The following CDH8 variants were observed in gnomAD, a reference collection of about 807,000 sequenced individuals.
CDH8 encodes cadherin-8.
CDH8 carries 17 observed loss-of-function variants against 68.1 expected under a neutral mutation model. That is an observed-to-expected ratio of 0.25 (90% confidence interval 0.17 to 0.37). CDH8 has a LOEUF of 0.37. Ranked by LOEUF, CDH8 falls within the 10% of genes least tolerant of loss-of-function variation. CDH8 has a pLI of 1.00. For synonymous variants in CDH8, 372 were observed against 365.1 expected (o/e 1.02, Z -0.21); for missense variants, 763 against 999.3 (o/e 0.76, Z 3.19).
At chr16:62,011,356 G>C (rs1242020720) in intron 2 of CDH8, among the ~76,000 whole-genome samples, 1 of 152,204 alleles carries the variant, frequency 6.6e-6, no homozygotes, top group African/African-American at 2.4e-5. Context: ...CACGCAGGCA[G>C]TTGCTTTTCA....
chr16:61,984,811 T>C lies in CDH8; in HGVS notation c.252+36341A>G, dbSNP rs78421017. ...CATATGCCTTCTAAAACTTATACTT[T>C]TTATACTTAAGGCATGAACTTGATT... is the stretch of plus-strand genomic sequence containing the variant. On this transcript the variant is annotated intron_variant, in intron 2 of 11. Transcript: ENST00000577390. Among the ~76,000 whole-genome samples, 1,018 of 152,308 alleles carry C rather than the reference T, an allele frequency of 6.7e-3. 8 individuals carry two copies. The highest frequency in any genetic ancestry group is 0.022 in the African/African-American group (933 of 41,570).
intron 10 of CDH8, among the ~76,000 whole-genome samples, chr16:61,663,955 G>A (rs1432895910): frequency 6.6e-6 from 1 of 152,010 alleles, no homozygotes; most frequent in Non-Finnish European, 1.5e-5. Flanking sequence ...TTACACATTA[G>A]AGATTTGAGT....
chr16:62,002,694 AG>A (rs1482551887), intron 2 of CDH8, among the ~76,000 whole-genome samples: 15 of 152,318 alleles, frequency 9.8e-5, no homozygotes, highest in African/African-American at 3.6e-4. Context: ...AGTCAATAAA[AG>A]TCTTAGGTGA....
intron 8 of CDH8, among the ~76,000 whole-genome samples, chr16:61,782,539 C>A (rs1354375391): frequency 6.3e-4 from 95 of 151,654 alleles, no homozygotes; most frequent in East Asian, 1.4e-3. Context: ...CCCAGGCTTG[C>A]TTAGGTAAAC....
intron 8 of CDH8, among the ~76,000 whole-genome samples, chr16:61,742,968 C>T (rs1405251771): frequency 6.6e-6 from 1 of 152,028 alleles, no homozygotes; most frequent in Non-Finnish European, 1.5e-5. Context: ...TCTATTTTTT[C>T]TTATTTATGC....
chr16:61,930,375 T>C (rs1417664587), intron 2 of CDH8, among the ~76,000 whole-genome samples: 2 of 152,074 alleles, frequency 1.3e-5, no homozygotes, highest in African/African-American at 4.8e-5. Flanking sequence ...ATATAATCTT[T>C]AGATGCAAAT....
At position 61,748,603 on chromosome 16, in the gene CDH8, G is replaced by T. The variant is rs1169702993; in HGVS notation, c.1415-21388C>A. Among the ~76,000 whole-genome samples the T allele has an allele frequency of 2.6e-5, 4 of 151,964 alleles. No homozygotes were observed. In the East Asian group the frequency reaches 7.7e-4, roughly 29 times the overall value. On this transcript the variant is annotated intron_variant, in intron 8 of 11. Transcript: ENST00000577390. ...TAAAGAAAAAAAAAGGGAAATGTTGGAAGGGGTTAGTCCTTCTAAATGTCG... is the reference window on the plus strand; with the variant it reads ...TAAAGAAAAAAAAAGGGAAATGTTGTAAGGGGTTAGTCCTTCTAAATGTCG...
At chr16:61,902,633 G>A (rs1455644617) in intron 2 of CDH8, among the ~76,000 whole-genome samples, 2 of 147,604 alleles carry the variant, frequency 1.4e-5, no homozygotes, top group Non-Finnish European at 3.0e-5. Flanking sequence ...TTCAAAAGAT[G>A]CTGTGTTCTC....
chr16:61,920,208 C>G (rs1339027452), intron 2 of CDH8, among the ~76,000 whole-genome samples: 2 of 139,554 alleles, frequency 1.4e-5, no homozygotes, highest in South Asian at 2.5e-4. Flanking sequence ...GACTTCATGT[C>G]TAAAACACCA....
In CDH8 at chr16:61,648,038, A is replaced by G; in HGVS notation, c.*5570T>C. 4 of 564,574 alleles carry G rather than the reference A, an allele frequency of 7.1e-6. No individual in the cohort carries two copies. The highest frequency in any genetic ancestry group is 6.6e-5 in the South Asian group (3 of 45,748). The allele number at this position is 564,574 out of a possible 1,614,324, so 35.0% of individuals were successfully genotyped here. A position where few individuals can be genotyped will look rare whatever the true frequency, so the allele number is the denominator to read the frequency against. On this transcript the variant is annotated 3_prime_UTR_variant, in exon 12 of 12. Transcript: ENST00000577390. ...GCACTATTTTCACCAGCAAATGCCT[A>G]CTAACCTTGAGACCTAGATGAAACT...
chr16:61,892,123 T>C (rs761815008), intron 3 of CDH8, among the ~76,000 whole-genome samples: 2 of 152,166 alleles, frequency 1.3e-5, no homozygotes, highest in Non-Finnish European at 2.9e-5. Context: ...GGATAAAATA[T>C]GTACTGGGCA....
chr16:61,750,180 G>A (rs764677260), intron 8 of CDH8, among the ~76,000 whole-genome samples: 7 of 152,006 alleles, frequency 4.6e-5, no homozygotes, highest in Non-Finnish European at 8.8e-5. Flanking sequence ...TTCTGTTCCT[G>A]TGTTCATTTG....
rs139294380 is a variant in CDH8 at position 61,873,991 on chromosome 16, G to A, written c.548-16753C>T. Among the ~76,000 whole-genome samples the A allele has an allele frequency of 9.1e-3, 1,392 of 152,134 alleles. 19 individuals are homozygous for A. The highest frequency in any genetic ancestry group is 0.03 in the African/African-American group (1,264 of 41,520). ...GTATTGCTTGAACCTGGGAGGCGGAGGTCGTAGTGAGCCAAGATCACACCA... is the reference window on the plus strand; with the variant it reads ...GTATTGCTTGAACCTGGGAGGCGGAAGTCGTAGTGAGCCAAGATCACACCA... On this transcript the variant is annotated intron_variant, in intron 3 of 11. Transcript: ENST00000577390.
At chr16:61,731,018 T>A (rs1959519225) in intron 8 of CDH8, among the ~76,000 whole-genome samples, 1 of 151,610 alleles carries the variant, frequency 6.6e-6, no homozygotes, top group Admixed American at 6.6e-5. Flanking sequence ...ACAAAAAGAT[T>A]GAGGTCACTG....
At chr16:61,892,664 T>C (rs1194048614) in intron 3 of CDH8, among the ~76,000 whole-genome samples, 1 of 152,096 alleles carries the variant, frequency 6.6e-6, no homozygotes, top group Non-Finnish European at 1.5e-5. Context: ...TCTTAACTTC[T>C]GCCTTCTGCC....
chr16:61,807,481 A>G (rs1237113108), intron 7 of CDH8, among the ~76,000 whole-genome samples: 1 of 151,756 alleles, frequency 6.6e-6, no homozygotes, highest in Admixed American at 6.6e-5. Context: ...TATAATAAAA[A>G]AAACAAAAAA....
intron 7 of CDH8, among the ~76,000 whole-genome samples, chr16:61,799,055 CCCTCATGATGACCTTGAT>C (rs1315065754): frequency 6.6e-6 from 1 of 152,090 alleles, no homozygotes; most frequent in Non-Finnish European, 1.5e-5. Flanking sequence ...TACACCAAAG[CCCTCATGATGACCTTGAT>C]CCTCACTGCT....
Position 61,647,838 on chromosome 16 carries a change from C to G in CDH8, c.*5770G>C. ...GAAGCCATGGTTTTCCACAGTCTTT[C>G]TCTTCAGACAGCATCTTGTGATATT... is the stretch of plus-strand genomic sequence containing the variant. On this transcript the variant is annotated 3_prime_UTR_variant, in exon 12 of 12. Transcript: ENST00000577390. The G allele has an allele frequency of 1.4e-6, 1 of 699,868 alleles. No homozygotes were observed. Among genetic ancestry groups the G allele is most frequent in the Non-Finnish European group, 2.6e-6 (1 of 382,950 alleles). The allele number at this position is 699,868 out of a possible 1,614,324, so 43.4% of individuals were successfully genotyped here. A position where few individuals can be genotyped will look rare whatever the true frequency, so the allele number is the denominator to read the frequency against.
intron 2 of CDH8, among the ~76,000 whole-genome samples, chr16:61,975,862 C>T (rs1194924658): frequency 2.6e-4 from 40 of 152,088 alleles, no homozygotes; most frequent in Non-Finnish European, 2.5e-4. Flanking sequence ...TAGCCAATGT[C>T]CTATGATTTC....
Sources: gnomAD v4.1 joint callset for allele counts (sites outside exome capture counted in the v4.1 genomes callset) on GRCh38, gnomAD v4.1.1 for gene constraint, MANE v1.5 for transcripts, NCBI Gene and HGNC (gene_info 2026-07-23, HGNC 2026-07-21) for gene names.